LRRC4C: variants seen among roughly 807,000 people sequenced by gnomAD.
LRRC4C encodes the protein leucine rich repeat containing 4C, also known as leucine-rich repeat-containing protein 4C.
A neutral mutation model predicts 33.6 loss-of-function variants in LRRC4C; 5 were observed. The observed-to-expected ratio is 0.15, with a 90% CI of 0.08 to 0.31. The LOEUF (loss-of-function observed/expected upper bound fraction) is 0.31, where lower values mean the gene tolerates loss of function less well. LRRC4C is among the 10% of genes least tolerant of loss of function. LRRC4C has a pLI of 1.00. For missense variants in LRRC4C, 560 were observed against 796.7 expected, an observed-to-expected ratio of 0.70 and a Z score of 3.58; for synonymous variants, 329 against 302.0, an observed-to-expected ratio of 1.09 and a Z score of -0.93.
intron 2 of LRRC4C, among the ~76,000 whole-genome samples, chr11:40,870,883 G>C (rs1011334270): frequency 3.3e-5 from 5 of 152,166 alleles, no homozygotes; most frequent in African/African-American, 7.2e-5. Flanking sequence ...CTGCCGGTGA[G>C]CCATATTTCT....
intron 3 of LRRC4C, among the ~76,000 whole-genome samples, chr11:40,633,345 CTTTCTTTCTTTCTTTCTTTCTTTCTT>C (rs1963644644): frequency 2.6e-5 from 1 of 39,114 alleles, no homozygotes; most frequent in African/African-American, 1.0e-4. Context: ...TTCTTTCTTT[CTTTCTTTCTTTCTTTCTTTCTTTCTT>C]TCTCTCTCTT....
chr11:41,295,128 G>C (rs1333546241), intron 1 of LRRC4C, among the ~76,000 whole-genome samples: 1 of 152,148 alleles, frequency 6.6e-6, no homozygotes, highest in Non-Finnish European at 1.5e-5. Context: ...ATAAAGCATT[G>C]CAGCCTTATC....
At chr11:40,816,218 C>A (rs182124260) in intron 2 of LRRC4C, among the ~76,000 whole-genome samples, 3 of 152,130 alleles carry the variant, frequency 2.0e-5, no homozygotes, top group Non-Finnish European at 4.4e-5. Context: ...TAATTCTAGG[C>A]CACTAGAGGT....
intron 1 of LRRC4C, among the ~76,000 whole-genome samples, chr11:41,162,182 T>G (rs1195736304): frequency 5.3e-5 from 8 of 152,154 alleles, no homozygotes; most frequent in Non-Finnish European, 8.8e-5. Context: ...ACATCCAGCA[T>G]CGCCTTTGAT....
chr11:40,463,419 C>A (rs963216115), intron 3 of LRRC4C, among the ~76,000 whole-genome samples: 2 of 151,250 alleles, frequency 1.3e-5, no homozygotes, highest in Admixed American at 6.6e-5. Context: ...CAAATGCTTA[C>A]TATAGATACT....
At chr11:41,037,282 G>GT (rs34915521) in intron 1 of LRRC4C, among the ~76,000 whole-genome samples, 77,123 of 148,098 alleles carry the variant, frequency 0.52, 20,490 homozygotes, top group East Asian at 0.65. Context: ...TCTTTGATGG[G>GT]TTTTTTTTTT....
intron 2 of LRRC4C, among the ~76,000 whole-genome samples, chr11:40,746,668 T>A (rs1948440329): frequency 6.6e-6 from 1 of 152,110 alleles, no homozygotes. Flanking sequence ...ATGACCAGGC[T>A]ATGTATGCTC....
At chr11:41,137,382 A>G (rs1162259924) in intron 1 of LRRC4C, among the ~76,000 whole-genome samples, 1 of 152,234 alleles carries the variant, frequency 6.6e-6, no homozygotes. Flanking sequence ...TCTTTATGTG[A>G]GATTAATATG....
intron 2 of LRRC4C, among the ~76,000 whole-genome samples, chr11:40,799,859 G>A (rs1950972928): frequency 6.6e-6 from 1 of 152,148 alleles, no homozygotes; most frequent in East Asian, 1.9e-4. Flanking sequence ...GACAAGTCCT[G>A]CACAATTAAG....
chr11:40,170,161 G>T (rs1294001375), intron 5 of LRRC4C, among the ~76,000 whole-genome samples: 2 of 152,286 alleles, frequency 1.3e-5, no homozygotes, highest in East Asian at 3.9e-4. Flanking sequence ...TTCTGCATAT[G>T]AATATTTGTG....
At chr11:40,418,495 C>T (rs1426637062) in intron 3 of LRRC4C, among the ~76,000 whole-genome samples, 3 of 152,206 alleles carry the variant, frequency 2.0e-5, no homozygotes, top group Non-Finnish European at 4.4e-5. Context: ...AAAAGCAACA[C>T]TTTTACATTG....
chr11:41,412,052 T>A (rs2922026), intron 1 of LRRC4C, among the ~76,000 whole-genome samples: 130,435 of 152,252 alleles, frequency 0.86, 55,990 homozygotes, highest in African/African-American at 0.89. Context: ...ATGACAGTAA[T>A]GGATACGTGT....
chr11:40,533,078 G>A (rs1396577068), intron 3 of LRRC4C, among the ~76,000 whole-genome samples: 2 of 152,178 alleles, frequency 1.3e-5, no homozygotes, highest in Non-Finnish European at 1.5e-5. Flanking sequence ...GGGGATTATG[G>A]AGATTATGGG....
intron 1 of LRRC4C, among the ~76,000 whole-genome samples, chr11:40,945,309 C>G (rs10837531): frequency 0.36 from 54,364 of 151,710 alleles, 11,579 homozygotes; most frequent in East Asian, 0.53. Context: ...CTTGAGCCAC[C>G]GTGCCCGGGC....
chr11:41,291,785 AG>A (rs955376893), intron 1 of LRRC4C, among the ~76,000 whole-genome samples: 4 of 152,214 alleles, frequency 2.6e-5, no homozygotes, highest in African/African-American at 9.6e-5. Flanking sequence ...TTTGCTTAAT[AG>A]CAACAAGGGG....
chr11:40,879,427 C>A (rs937832979), intron 2 of LRRC4C, among the ~76,000 whole-genome samples: 1 of 152,118 alleles, frequency 6.6e-6, no homozygotes, highest in Non-Finnish European at 1.5e-5. Context: ...TAACAGGCGA[C>A]AGCAGAAGGA....
chr11:41,377,151 G>C (rs982309628), intron 1 of LRRC4C, among the ~76,000 whole-genome samples: 1 of 152,150 alleles, frequency 6.6e-6, no homozygotes, highest in African/African-American at 2.4e-5. Flanking sequence ...AAAAGTACAT[G>C]TGAAATTATT....
intron 1 of LRRC4C, among the ~76,000 whole-genome samples, chr11:41,178,672 C>T (rs1040775373): frequency 1.1e-4 from 16 of 151,972 alleles, no homozygotes; most frequent in African/African-American, 2.4e-4. Context: ...CTTTCTAAAT[C>T]GGATTATTTA....
chr11:40,281,847 T>C (rs1044614196), intron 4 of LRRC4C, among the ~76,000 whole-genome samples: 3 of 152,166 alleles, frequency 2.0e-5, no homozygotes, highest in African/African-American at 7.2e-5. Flanking sequence ...AAAAAGGCTT[T>C]CTTTTTTAAA....
Sources: allele counts gnomAD v4.1 joint callset (sites outside exome capture counted in the v4.1 genomes callset), GRCh38; gene constraint gnomAD v4.1.1; transcripts MANE v1.5; gene names NCBI Gene and HGNC (gene_info 2026-07-23, HGNC 2026-07-21).